Variants in ARHGAP6 observed in about 807,000 individuals in gnomAD.
ARHGAP6 encodes the protein rho GTPase-activating protein 6.
Under a neutral mutation model 55.7 loss-of-function variants are expected in ARHGAP6, and 16 were observed. The observed-to-expected ratio is 0.29, with a 90% CI of 0.19 to 0.44. ARHGAP6 has a LOEUF of 0.44. ARHGAP6 is among the 20% of genes least tolerant of loss of function. The pLI is 1.00. For synonymous variants in ARHGAP6, 382 were observed against 360.9 expected, an observed-to-expected ratio of 1.06 and a Z score of -0.66; for missense variants, 698 against 808.9, an observed-to-expected ratio of 0.86 and a Z score of 1.66.
chrX:11,402,494 C>T (rs1302452190), intron 1 of ARHGAP6, among the ~76,000 whole-genome samples: 1 of 110,716 alleles, frequency 9.0e-6, no homozygotes, highest in Non-Finnish European at 1.9e-5. Context: ...ACAGGGGTCA[C>T]CTCCCTTCTA....
chrX:11,615,173 C>T (rs2052148976), intron 1 of ARHGAP6, among the ~76,000 whole-genome samples: 1 of 111,696 alleles, frequency 9.0e-6, no homozygotes, highest in Admixed American at 9.5e-5. Context: ...AAATGTCAAA[C>T]CAGTCCATGC....
At chrX:11,156,684 G>A in intron 9 of ARHGAP6, 58 bp from the exon 10 acceptor site, 1 of 884,892 alleles carries the variant, frequency 1.1e-6, no homozygotes, top group Non-Finnish European at 1.6e-6. Context: ...GGCAACATAT[G>A]GTCACTGACA....
In ARHGAP6 at chrX:11,567,566, A is replaced by AAAAAAAAAAAATATATATAT. The variant is rs1440758737; in HGVS notation, c.588+96674_588+96675insATATATATATTTTTTTTTTT. On this transcript the variant is annotated intron_variant, in intron 1 of 12. Coordinates refer to ENST00000337414, the MANE Select transcript of ARHGAP6 (RefSeq NM_013427.3). ...GAGACTCCATCTCAAAAAAAAAAAA[A>AAAAAAAAAAAATATATATAT]ATATATATATATATTTGCCTCAGAG... Among the ~76,000 whole-genome samples the AAAAAAAAAAAATATATATAT allele has an allele frequency of 4.6e-4, 39 of 84,387 alleles. 3 individuals carry two copies. Among genetic ancestry groups the AAAAAAAAAAAATATATATAT allele is most frequent in the African/African-American group, 1.5e-3 (31 of 21,109 alleles). The allele number at this position is 84,387 out of a possible 115,157, so 73.3% of individuals were successfully genotyped here. A position where few individuals can be genotyped will look rare whatever the true frequency, so the allele number is the denominator to read the frequency against.
rs372332800 is a variant in ARHGAP6, at chrX:11,298,860, C to A, written c.589-44153G>T. 7.1e-5 allele frequency: 86 copies of A among 1,208,876 alleles called. No homozygotes were observed. Among genetic ancestry groups the A allele is most frequent in the Non-Finnish European group, 8.6e-5 (77 of 894,936 alleles). On this transcript the variant is annotated intron_variant, in intron 1 of 12. Transcript: ENST00000337414. ...ACCTGTGCACCCCATGCAGCCCCTG[C>A]CGCCACAGCCACCTCTGCCTCCGAT...
chrX:11,470,019 G>A (rs750178197), intron 1 of ARHGAP6, among the ~76,000 whole-genome samples: 49 of 111,528 alleles, frequency 4.4e-4, no homozygotes, highest in Non-Finnish European at 7.9e-4. Flanking sequence ...AAGGGAAGAT[G>A]GGCCTAACTG....
chrX:11,291,312 C>T (rs904203221), intron 1 of ARHGAP6, among the ~76,000 whole-genome samples: 2 of 111,595 alleles, frequency 1.8e-5, no homozygotes, highest in African/African-American at 6.5e-5. Flanking sequence ...AAAGCTTGTT[C>T]AACTGTCCAT....
intron 1 of ARHGAP6, among the ~76,000 whole-genome samples, chrX:11,370,701 T>C (rs1051094830): frequency 1.8e-5 from 2 of 111,884 alleles, no homozygotes; most frequent in African/African-American, 6.5e-5. Flanking sequence ...GACTTATTCA[T>C]TGTACACTTG....
At chrX:11,249,122 C>T (rs904868738) in intron 2 of ARHGAP6, among the ~76,000 whole-genome samples, 3 of 111,641 alleles carry the variant, frequency 2.7e-5, no homozygotes, top group Non-Finnish European at 3.8e-5. Flanking sequence ...GCATTAACAG[C>T]GACCTGGATG....
At chrX:11,482,855 G>A (rs925474255) in intron 1 of ARHGAP6, among the ~76,000 whole-genome samples, 1 of 111,154 alleles carries the variant, frequency 9.0e-6, no homozygotes, top group South Asian at 3.9e-4. Flanking sequence ...ATCCCGATGG[G>A]GAACACAGCA....
chrX:11,261,250 G>C (rs754620142), intron 1 of ARHGAP6, among the ~76,000 whole-genome samples: 1 of 111,362 alleles, frequency 9.0e-6, no homozygotes, highest in African/African-American at 3.3e-5. Flanking sequence ...AATAGGTGAC[G>C]CGGGGAAGAG....
chrX:11,382,479 G>T lies in ARHGAP6; in HGVS notation c.589-127772C>A, dbSNP rs1376567497. ...GATAAACTATTGGCCTATTTTCATT[G>T]TTGTCCCAATAAAATAAGGCAAGAA... On this transcript the variant is annotated intron_variant, in intron 1 of 12. Transcript: ENST00000337414. Among the ~76,000 whole-genome samples, 6 of 111,571 alleles carry T rather than the reference G, an allele frequency of 5.4e-5. No individual in the cohort carries two copies. The East Asian group carries it at 1.4e-3, about 26-fold the overall frequency.
intron 2 of ARHGAP6, among the ~76,000 whole-genome samples, chrX:11,222,887 T>G (rs970782205): frequency 8.9e-6 from 1 of 112,251 alleles, no homozygotes; most frequent in African/African-American, 3.2e-5. Flanking sequence ...ATTTAAAAAA[T>G]AGAAACTATT....
intron 1 of ARHGAP6, among the ~76,000 whole-genome samples, chrX:11,343,413 G>A (rs185354813): frequency 8.9e-6 from 1 of 112,176 alleles, no homozygotes; most frequent in East Asian, 2.8e-4. Flanking sequence ...ATAGAATTAG[G>A]AAGCCCTCTA....
intron 1 of ARHGAP6, among the ~76,000 whole-genome samples, chrX:11,531,113 T>G (rs2051043994): frequency 1.8e-5 from 2 of 111,514 alleles, no homozygotes. Flanking sequence ...ACAAACAATA[T>G]TCATTAATTA....
intron 1 of ARHGAP6, among the ~76,000 whole-genome samples, chrX:11,578,790 TC>T (rs2051631676): frequency 9.0e-6 from 1 of 111,395 alleles, no homozygotes; most frequent in Non-Finnish European, 1.9e-5. Context: ...CAAATGTCCA[TC>T]AATGATAGAC....
At chrX:11,514,203 C>T (rs767712737) in intron 1 of ARHGAP6, among the ~76,000 whole-genome samples, 11 of 88,369 alleles carry the variant, frequency 1.2e-4, no homozygotes, top group Admixed American at 1.0e-3. Context: ...TTTTACATAA[C>T]GGAAAGTGCC....
chrX:11,215,507 G>A (rs899575616), intron 2 of ARHGAP6, among the ~76,000 whole-genome samples: 4 of 113,079 alleles, frequency 3.5e-5, no homozygotes, highest in African/African-American at 9.6e-5. Context: ...CAGGAGACTC[G>A]GGGCGGGCCA....
At chrX:11,511,889 T>TGC (rs2050788244) in intron 1 of ARHGAP6, among the ~76,000 whole-genome samples, 1 of 111,298 alleles carries the variant, frequency 9.0e-6, no homozygotes, top group Non-Finnish European at 1.9e-5. Context: ...TCCAGTGGCA[T>TGC]GATCTCAGCT....
rs765161838 is a variant in ARHGAP6 at position 11,186,341 on chromosome X, G to T, written c.1168C>A (p.Gln390Lys). 1.7e-6 allele frequency: 2 copies of T among 1,210,667 alleles called. No individual in the cohort carries two copies. Among genetic ancestry groups the T allele is most frequent in the Non-Finnish European group, 2.2e-6 (2 of 894,886 alleles). Residue 390 changes from glutamine (Q) to lysine (K), a missense_variant, in exon 5 of 13, where the codon CAA becomes AAA. Around this residue, in one of 3 missense-constraint regions of ARHGAP6, gnomAD observed 322 missense variants for 451.1 expected, o/e 0.71. Transcript: ENST00000337414. ...ALQLSLPAEAQSKKEKARDKK... is the reference protein window; with the variant it reads ...ALQLSLPAEAKSKKEKARDKK... ...TCTCTGGCTTTTTCCTTTTTACTTT[G>T]AGCCTCAGCAGGCAAGGAAAGTTGT...
Sources: allele counts gnomAD v4.1 joint callset (sites outside exome capture counted in the v4.1 genomes callset), GRCh38; gene constraint gnomAD v4.1.1; regional missense constraint gnomAD v4.1.1; transcripts MANE v1.5; gene names NCBI Gene and HGNC (gene_info 2026-07-23, HGNC 2026-07-21).